The following CWC27 variants were observed in gnomAD, a reference collection of about 807,000 sequenced individuals.
CWC27 encodes CWC27 spliceosome associated cyclophilin, also known as spliceosome-associated protein CWC27 homolog.
CWC27 carries 47 observed loss-of-function variants against 63.6 expected under a neutral mutation model. The ratio of observed to expected loss-of-function variants is 0.74; its 90% CI spans 0.58 to 0.94. The LOEUF (loss-of-function observed/expected upper bound fraction) is 0.94, where lower values mean the gene tolerates loss of function less well. Among genes scored for constraint, CWC27 ranks in the 40% least tolerant of loss-of-function variants. The pLI, the probability that CWC27 is intolerant of heterozygous loss-of-function variation, is 0.00. For missense variants in CWC27, 495 were observed against 554.3 expected, an observed-to-expected ratio of 0.89 and a Z score of 1.07; for synonymous variants, 175 against 179.8, an observed-to-expected ratio of 0.97 and a Z score of 0.22.
At chr5:64,922,917 T>G (rs1748024744) in intron 11 of CWC27, among the ~76,000 whole-genome samples, 1 of 152,206 alleles carries the variant, frequency 6.6e-6, no homozygotes, top group Non-Finnish European at 1.5e-5. Context: ...CTGGGCTGCG[T>G]GCTCTAACCC....
chr5:64,947,354 C>T (rs1225604314), intron 11 of CWC27, among the ~76,000 whole-genome samples: 2 of 152,078 alleles, frequency 1.3e-5, no homozygotes, highest in African/African-American at 2.4e-5. Context: ...GTTAGCCTGC[C>T]TGCAGTCTAG....
intron 12 of CWC27, among the ~76,000 whole-genome samples, chr5:64,974,755 A>T (rs1468914363): frequency 6.6e-6 from 1 of 152,230 alleles, no homozygotes; most frequent in East Asian, 1.9e-4. Flanking sequence ...TACTACCTGG[A>T]AGTATATTTA....
At chr5:64,902,628 A>T (rs1038095561) in intron 11 of CWC27, among the ~76,000 whole-genome samples, 3 of 152,134 alleles carry the variant, frequency 2.0e-5, no homozygotes, top group Non-Finnish European at 4.4e-5. Context: ...CTTGATCACT[A>T]TGGTTTTATA....
chr5:64,950,351 CTT>C lies in CWC27; in HGVS notation c.1043-21351_1043-21350del, dbSNP rs1580745076. On this transcript the variant is annotated intron_variant, in intron 11 of 13. Transcript: ENST00000381070. The stretch of plus-strand genomic sequence containing the variant: ...TTTTCTGCCTCATTGAAAAACTAAA[CTT>C]AACATAAATTTTATTATACTAGAAT... 2.5e-5 allele frequency among the ~76,000 whole-genome samples: 3 copies of C among 117,806 alleles called. 1 individual carries two copies. The highest frequency in any genetic ancestry group is 8.4e-5 in the Admixed American group (1 of 11,922). 77.3% of individuals were successfully genotyped at this position (117,806 alleles called of 152,430 possible).
chr5:64,797,452 G>A (rs1051936609), intron 7 of CWC27, among the ~76,000 whole-genome samples: 1 of 151,982 alleles, frequency 6.6e-6, no homozygotes, highest in Non-Finnish European at 1.5e-5. Context: ...CTAACAATTT[G>A]GCTTTTCATA....
intron 3 of CWC27, among the ~76,000 whole-genome samples, chr5:64,782,483 T>TAAATAAATAAATAAATAAA (rs1561403481): frequency 4.0e-5 from 6 of 151,402 alleles, no homozygotes; most frequent in Non-Finnish European, 4.4e-5. Context: ...AATAAATAAA[T>TAAATAAATAAATAAATAAA]TGTCTGTAAA....
At chr5:64,829,066 A>T (rs1438327660) in intron 10 of CWC27, among the ~76,000 whole-genome samples, 1 of 152,180 alleles carries the variant, frequency 6.6e-6, no homozygotes, top group Non-Finnish European at 1.5e-5. Flanking sequence ...TGTGATTTTT[A>T]AAATTTCTGT....
intron 11 of CWC27, among the ~76,000 whole-genome samples, chr5:64,910,680 G>A (rs780273152): frequency 6.6e-6 from 1 of 152,212 alleles, no homozygotes; most frequent in Non-Finnish European, 1.5e-5. Flanking sequence ...ACCCCTGCCA[G>A]GCTGCTGCCT....
intron 11 of CWC27, among the ~76,000 whole-genome samples, chr5:64,917,145 T>C (rs1747905849): frequency 6.6e-6 from 1 of 152,170 alleles, no homozygotes; most frequent in South Asian, 2.1e-4. Flanking sequence ...AATAACTATA[T>C]GATGGGCTGG....
intron 7 of CWC27, among the ~76,000 whole-genome samples, chr5:64,795,154 C>G (rs571942956): frequency 9.2e-5 from 14 of 152,194 alleles, no homozygotes; most frequent in Non-Finnish European, 4.4e-5. Flanking sequence ...ATTAAACTTT[C>G]CCAAAAAAGT....
rs1021717665 is a variant in CWC27, at chr5:64,956,655, A to G, written c.1043-15048A>G. On this transcript the variant is annotated intron_variant, in intron 11 of 13. Transcript: ENST00000381070. The stretch of plus-strand genomic sequence containing the variant: ...CCTTTGTCCAGTATATAAGCTCCTA[A>G]CCTGGAAAACTGTCATTGGTTTCCC... Among the ~76,000 whole-genome samples, 13 of 152,114 alleles carry G rather than the reference A, an allele frequency of 8.5e-5. No individual in the cohort carries two copies. In the East Asian group the frequency reaches 2.5e-3, roughly 29 times the overall value.
chr5:64,905,200 C>CAA (rs71608574), intron 11 of CWC27, among the ~76,000 whole-genome samples: 1,159 of 53,056 alleles, frequency 0.022, 30 homozygotes, highest in African/African-American at 0.049. Context: ...CACTACATCT[C>CAA]AAAAAAAAAA....
At chr5:64,936,542 G>C (rs1173543519) in intron 11 of CWC27, among the ~76,000 whole-genome samples, 1 of 152,190 alleles carries the variant, frequency 6.6e-6, no homozygotes, top group Non-Finnish European at 1.5e-5. Flanking sequence ...GTTCATCAGG[G>C]ATATTGGCCT....
chr5:64,944,190 A>G (rs1424397004), intron 11 of CWC27, among the ~76,000 whole-genome samples: 2 of 152,216 alleles, frequency 1.3e-5, no homozygotes, highest in African/African-American at 4.8e-5. Context: ...ATTAAAAAAA[A>G]AAAGTATATC....
chr5:64,942,165 C>T (rs1748495526), intron 11 of CWC27, among the ~76,000 whole-genome samples: 1 of 151,818 alleles, frequency 6.6e-6, no homozygotes, highest in Non-Finnish European at 1.5e-5. Context: ...ATGGTTCATG[C>T]CTATAATCCC....
chr5:64,870,830 A>G (rs1230366747), intron 10 of CWC27, among the ~76,000 whole-genome samples: 1 of 152,134 alleles, frequency 6.6e-6, no homozygotes, highest in African/African-American at 2.4e-5. Flanking sequence ...GGTGGCATGT[A>G]CACATATATT....
At chr5:64,991,797 T>C (rs1243228688) in intron 13 of CWC27, among the ~76,000 whole-genome samples, 1 of 152,232 alleles carries the variant, frequency 6.6e-6, no homozygotes, top group East Asian at 1.9e-4. Flanking sequence ...TGAACAAATT[T>C]GCTCTGCCCC....
At chr5:64,769,712 AG>A (rs1454895991) in intron 1 of CWC27, among the ~76,000 whole-genome samples, 1 of 152,206 alleles carries the variant, frequency 6.6e-6, no homozygotes, top group East Asian at 1.9e-4. Context: ...AGAAGAGACC[AG>A]GTTGCTATGG....
intron 11 of CWC27, among the ~76,000 whole-genome samples, chr5:64,915,797 C>A (rs187121169): frequency 7.8e-4 from 118 of 152,216 alleles, no homozygotes; most frequent in African/African-American, 2.6e-3. Flanking sequence ...TACTTTAATT[C>A]TTACCCAAAA....
Sources: allele counts gnomAD v4.1 joint callset (sites outside exome capture counted in the v4.1 genomes callset), GRCh38; gene constraint gnomAD v4.1.1; transcripts MANE v1.5; gene names NCBI Gene and HGNC (gene_info 2026-07-23, HGNC 2026-07-21).